Variants in CPNE8 observed in about 807,000 individuals in gnomAD.
The protein encoded by CPNE8 is copine-8.
Under a neutral mutation model 81.5 loss-of-function variants are expected in CPNE8, and 45 were observed. That is an observed-to-expected ratio of 0.55 (90% CI 0.44 to 0.71). CPNE8 has a LOEUF of 0.71. Ranked by LOEUF, CPNE8 falls within the 30% of genes least tolerant of loss-of-function variation. The pLI, the probability that CPNE8 is intolerant of heterozygous loss-of-function variation, is 0.00. For missense variants in CPNE8, 594 were observed against 672.1 expected, an observed-to-expected ratio of 0.88 and a Z score of 1.28; for synonymous variants, 252 against 226.3, an observed-to-expected ratio of 1.11 and a Z score of -1.02.
At chr12:38,728,849 TC>T (rs1940765976) in intron 11 of CPNE8, among the ~76,000 whole-genome samples, 1 of 152,196 alleles carries the variant, frequency 6.6e-6, no homozygotes, top group African/African-American at 2.4e-5. Context: ...CATAATGGTC[TC>T]CTAGATTTTC....
chr12:38,818,464 A>C (rs542774753), intron 6 of CPNE8, among the ~76,000 whole-genome samples: 1 of 152,248 alleles, frequency 6.6e-6, no homozygotes, highest in East Asian at 1.9e-4. Flanking sequence ...ACATAAACTC[A>C]TCCTTTTTTA....
chr12:38,826,369 C>A (rs570805153), intron 6 of CPNE8, among the ~76,000 whole-genome samples: 1 of 152,264 alleles, frequency 6.6e-6, no homozygotes, highest in South Asian at 2.1e-4. Flanking sequence ...ATAGATGAAG[C>A]ACAGCATGTG....
intron 1 of CPNE8, among the ~76,000 whole-genome samples, chr12:38,874,986 G>A (rs1415842282): frequency 2.6e-5 from 4 of 152,128 alleles, no homozygotes; most frequent in African/African-American, 9.7e-5. Context: ...TGACATTTGT[G>A]TTACATCAAC....
At chr12:38,719,412 T>A (rs761511076) in intron 13 of CPNE8, among the ~76,000 whole-genome samples, 1 of 152,020 alleles carries the variant, frequency 6.6e-6, no homozygotes, top group African/African-American at 2.4e-5. Context: ...AAGACCAGCA[T>A]GGCCAACATA....
At chr12:38,698,093 C>T (rs1261045262) in intron 14 of CPNE8, among the ~76,000 whole-genome samples, 1 of 152,206 alleles carries the variant, frequency 6.6e-6, no homozygotes, top group Non-Finnish European at 1.5e-5. Context: ...TGTTTTCTTA[C>T]AGTCACCCTA....
rs2136891132 is a variant in CPNE8, at chr12:38,776,281, C to T, written c.428G>A (p.Cys143Tyr). ...CTCTGCTGTAAGTATGATTGTACCA[C>T]ATTTCTTCCCTGGAATTCCTCTAAA... Reference protein sequence around the residue: ...KPIVGIPGKKCGTIILTAEEL... With the variant: ...KPIVGIPGKKYGTIILTAEEL... The change falls in exon 7 of 20, where the codon TGT (cysteine) becomes TAT (tyrosine). Residue 143 changes from cysteine (C) to tyrosine (Y), a missense_variant. By Grantham distance (194) the Cys-to-Tyr change is radical. Transcript: ENST00000331366. The T allele has an allele frequency of 6.5e-6, 10 of 1,538,144 alleles. No individual in the cohort carries two copies. Among genetic ancestry groups the T allele is most frequent in the Non-Finnish European group, 7.9e-6 (9 of 1,132,158 alleles).
chr12:38,776,378 T>G (rs1941936673), intron 6 of CPNE8, 77 bp from the exon 7 acceptor site: 1 of 440,374 alleles, frequency 2.3e-6, no homozygotes, highest in African/African-American at 2.1e-5. Flanking sequence ...TATATCATGT[T>G]TATTTTTATG....
chr12:38,881,117 G>A (rs1944149367), intron 1 of CPNE8, among the ~76,000 whole-genome samples: 2 of 151,762 alleles, frequency 1.3e-5, no homozygotes, highest in Admixed American at 1.3e-4. Flanking sequence ...GGCTAAGACA[G>A]GAGAATGGCG....
intron 3 of CPNE8, among the ~76,000 whole-genome samples, chr12:38,865,262 C>T (rs1592144587): frequency 6.6e-6 from 1 of 152,150 alleles, no homozygotes; most frequent in East Asian, 1.9e-4. Flanking sequence ...TATGCATTCC[C>T]CCTATGGCTC....
At chr12:38,870,849 T>TA (rs962053558) in intron 3 of CPNE8, among the ~76,000 whole-genome samples, 3 of 151,024 alleles carry the variant, frequency 2.0e-5, no homozygotes, top group Non-Finnish European at 4.4e-5. Flanking sequence ...ATTTAAAAGT[T>TA]AAAAAAAAGA....
chr12:38,678,089 A>G (rs1486074472), intron 16 of CPNE8, among the ~76,000 whole-genome samples: 1 of 152,078 alleles, frequency 6.6e-6, no homozygotes. Flanking sequence ...AATGGTTGCA[A>G]CATTACAAAT....
At chr12:38,709,320 C>T (rs1462000318) in intron 13 of CPNE8, among the ~76,000 whole-genome samples, 1 of 152,216 alleles carries the variant, frequency 6.6e-6, no homozygotes, top group African/African-American at 2.4e-5. Context: ...AATGACAATG[C>T]AGACAGATGC....
intron 15 of CPNE8, among the ~76,000 whole-genome samples, chr12:38,690,707 A>G (rs1479575807): frequency 2.0e-5 from 3 of 152,206 alleles, no homozygotes; most frequent in Non-Finnish European, 4.4e-5. Flanking sequence ...GGAAAAAAAT[A>G]CACACTAGTG....
At chr12:38,692,985 T>G (rs1939712198) in intron 15 of CPNE8, among the ~76,000 whole-genome samples, 1 of 152,154 alleles carries the variant, frequency 6.6e-6, no homozygotes, top group African/African-American at 2.4e-5. Flanking sequence ...TAAGAAATCT[T>G]GCTACAGTGA....
At chr12:38,664,957 TA>T (rs946056384) in intron 19 of CPNE8, among the ~76,000 whole-genome samples, 1 of 151,860 alleles carries the variant, frequency 6.6e-6, no homozygotes, top group Non-Finnish European at 1.5e-5. Context: ...GGAGTAGGAT[TA>T]AAAAAAAGTC....
At chr12:38,799,470 C>G (rs985477878) in intron 6 of CPNE8, among the ~76,000 whole-genome samples, 4 of 151,958 alleles carry the variant, frequency 2.6e-5, no homozygotes, top group African/African-American at 4.8e-5. Context: ...GAAATGAAGG[C>G]AGAAAAAAAG....
intron 8 of CPNE8, among the ~76,000 whole-genome samples, chr12:38,767,397 T>C (rs945899974): frequency 3.9e-5 from 6 of 152,068 alleles, no homozygotes; most frequent in African/African-American, 7.2e-5. Context: ...TATAATTGTA[T>C]AACAAATAAA....
intron 6 of CPNE8, among the ~76,000 whole-genome samples, chr12:38,796,705 G>A (rs1388717392): frequency 6.6e-6 from 1 of 152,094 alleles, no homozygotes; most frequent in Non-Finnish European, 1.5e-5. Flanking sequence ...CAGGACAGTG[G>A]GTGGAGCGCA....
intron 13 of CPNE8, among the ~76,000 whole-genome samples, chr12:38,705,786 G>A (rs1940092504): frequency 6.6e-6 from 1 of 151,930 alleles, no homozygotes; most frequent in African/African-American, 2.4e-5. Flanking sequence ...CAACCCAGTT[G>A]GTGACCTTAG....
Sources: allele counts gnomAD v4.1 joint callset (sites outside exome capture counted in the v4.1 genomes callset), GRCh38; gene constraint gnomAD v4.1.1; transcripts MANE v1.5; gene names NCBI Gene and HGNC (gene_info 2026-07-23, HGNC 2026-07-21).